The following EYA2 variants were observed in gnomAD, a reference collection of about 807,000 sequenced individuals.
EYA2 encodes the protein EYA transcriptional coactivator and phosphatase 2, also known as protein phosphatase EYA2.
EYA2 carries 31 observed loss-of-function variants against 69.2 expected under a neutral mutation model. That is an observed-to-expected ratio of 0.45 (90% CI 0.34 to 0.60). The LOEUF (loss-of-function observed/expected upper bound fraction) is 0.60. Among genes scored for constraint, EYA2 ranks in the 20% least tolerant of loss-of-function variants. The pLI, the probability that EYA2 is intolerant of heterozygous loss-of-function variation, is 0.02. For synonymous variants in EYA2, 257 were observed against 279.4 expected, an observed-to-expected ratio of 0.92 and a Z score of 0.80; for missense variants, 622 against 701.2, an observed-to-expected ratio of 0.89 and a Z score of 1.28.
intron 9 of EYA2, among the ~76,000 whole-genome samples, chr20:47,104,343 T>C (rs1456937870): frequency 2.0e-5 from 3 of 152,274 alleles, no homozygotes; most frequent in Admixed American, 2.0e-4. Context: ...TATTATCAGA[T>C]ATGTGATTTG....
At chr20:47,160,951 G>A (rs767018578) in intron 10 of EYA2, 21 of 273,658 alleles carry the variant, frequency 7.7e-5, no homozygotes, top group Non-Finnish European at 1.4e-4. Context: ...GGGAGACTTG[G>A]TGAATACAGT....
At chr20:46,897,893 TAA>T in intron 1 of EYA2, among the ~76,000 whole-genome samples, 1 of 152,126 alleles carries the variant, frequency 6.6e-6, no homozygotes, top group Non-Finnish European at 1.5e-5. Context: ...GAATCAATTA[TAA>T]GTATTAGGCA....
At chr20:47,174,252 C>T (rs1033382742) in intron 12 of EYA2, among the ~76,000 whole-genome samples, 1 of 152,206 alleles carries the variant, frequency 6.6e-6, no homozygotes, top group Admixed American at 6.5e-5. Context: ...TCCCGGTTCT[C>T]AAACTGGACA....
intron 5 of EYA2, among the ~76,000 whole-genome samples, chr20:47,017,751 C>T (rs1466375364): frequency 1.3e-5 from 2 of 152,188 alleles, no homozygotes; most frequent in Non-Finnish European, 2.9e-5. Context: ...CTTCATGACG[C>T]TCTCAAGCAA....
At chr20:47,132,387 T>C (rs2146579826) in intron 9 of EYA2, among the ~76,000 whole-genome samples, 1 of 152,344 alleles carries the variant, frequency 6.6e-6, no homozygotes, top group African/African-American at 2.4e-5. Context: ...GGTTAAACTA[T>C]CGCATGGGAA....
At chr20:47,175,062 A>G (rs1392569573) in intron 12 of EYA2, among the ~76,000 whole-genome samples, 5 of 152,214 alleles carry the variant, frequency 3.3e-5, no homozygotes, top group Admixed American at 1.3e-4. Context: ...GGCCCAGGAA[A>G]TGCCAGGGCT....
intron 1 of EYA2, among the ~76,000 whole-genome samples, chr20:46,982,775 C>CT (rs10701469): frequency 0.18 from 25,381 of 137,262 alleles, 3,547 homozygotes; most frequent in African/African-American, 0.37. Context: ...CTGTAATTTC[C>CT]TTTTTTTTTT....
chr20:47,081,958 G>C (rs1262121900), intron 7 of EYA2, among the ~76,000 whole-genome samples: 1 of 151,728 alleles, frequency 6.6e-6, no homozygotes, highest in East Asian at 2.0e-4. Context: ...TCCTCCCTCA[G>C]CTTCCTGAGT....
At chr20:47,118,185 G>A (rs6018288) in intron 9 of EYA2, among the ~76,000 whole-genome samples, 3 of 152,244 alleles carry the variant, frequency 2.0e-5, no homozygotes, top group African/African-American at 4.8e-5. Flanking sequence ...TGAGGAAGTC[G>A]GAGATTTCTT....
chr20:47,079,061 TACATAAATACATAC>T (rs1253115879), intron 7 of EYA2, among the ~76,000 whole-genome samples: 1 of 152,226 alleles, frequency 6.6e-6, no homozygotes, highest in Non-Finnish European at 1.5e-5. Flanking sequence ...GTACTGTTAG[TACATAAATACATAC>T]AAAAATGCAT....
chr20:47,051,172 T>A (rs1016806054), intron 5 of EYA2, among the ~76,000 whole-genome samples: 3 of 152,262 alleles, frequency 2.0e-5, no homozygotes, highest in African/African-American at 7.2e-5. Flanking sequence ...GAGCACTGGC[T>A]GCCAAGGACT....
intron 5 of EYA2, among the ~76,000 whole-genome samples, chr20:47,069,145 G>C (rs571918429): frequency 1.3e-5 from 2 of 152,222 alleles, no homozygotes; most frequent in African/African-American, 2.4e-5. Context: ...GTAACTAAAA[G>C]CCAAAACAAA....
intron 5 of EYA2, among the ~76,000 whole-genome samples, chr20:47,057,891 C>T (rs768053392): frequency 1.2e-4 from 19 of 152,322 alleles, no homozygotes; most frequent in Non-Finnish European, 2.1e-4. Context: ...CTGACCTGGG[C>T]TTGAACCCTG....
intron 1 of EYA2, among the ~76,000 whole-genome samples, chr20:46,901,987 G>A (rs1237804025): frequency 3.3e-5 from 5 of 152,172 alleles, no homozygotes; most frequent in Admixed American, 2.0e-4. Flanking sequence ...AGAGAAGACC[G>A]GTAGGAGGGG....
At chr20:47,002,313 A>G (rs1211563746) in intron 3 of EYA2, among the ~76,000 whole-genome samples, 2 of 152,116 alleles carry the variant, frequency 1.3e-5, no homozygotes, top group Non-Finnish European at 2.9e-5. Context: ...CCTAGGTATT[A>G]AATTCGACAT....
intron 5 of EYA2, among the ~76,000 whole-genome samples, chr20:47,051,901 A>AATAC (rs2030355726): frequency 6.6e-6 from 1 of 152,240 alleles, no homozygotes; most frequent in Admixed American, 6.5e-5. Context: ...GGGGCTCAGC[A>AATAC]TAGTGCCCGG....
intron 9 of EYA2, among the ~76,000 whole-genome samples, chr20:47,099,373 A>T (rs886671663): frequency 2.0e-5 from 3 of 152,164 alleles, no homozygotes; most frequent in Non-Finnish European, 4.4e-5. Context: ...TCTTTAAAAA[A>T]CTTAAAAATT....
intron 1 of EYA2, among the ~76,000 whole-genome samples, chr20:46,898,499 C>T (rs1983929186): frequency 6.6e-6 from 1 of 151,948 alleles, no homozygotes. Context: ...CCTGAATGGC[C>T]CACTTCTCCC....
chr20:46,896,072 C>T (rs565543694), intron 1 of EYA2, among the ~76,000 whole-genome samples: 4 of 152,108 alleles, frequency 2.6e-5, no homozygotes, highest in Non-Finnish European at 5.9e-5. Flanking sequence ...GTATAAATCA[C>T]CCCGGTAAGA....
Sources: allele counts gnomAD v4.1 joint callset (sites outside exome capture counted in the v4.1 genomes callset), GRCh38; gene constraint gnomAD v4.1.1; transcripts MANE v1.5; gene names NCBI Gene and HGNC (gene_info 2026-07-23, HGNC 2026-07-21).